The following OTOGL variants were observed in gnomAD, a reference collection of about 807,000 sequenced individuals.
The protein encoded by OTOGL is otogelin-like protein.
In OTOGL, 285 loss-of-function variants were observed where a neutral mutation model predicts 318.5. That is an observed-to-expected ratio of 0.89 (90% CI 0.81 to 0.99). The LOEUF is 0.99. OTOGL is among the 50% of genes least tolerant of loss of function. OTOGL has a pLI of 0.00. For synonymous variants in OTOGL, 987 were observed against 936.5 expected (o/e 1.05, Z -0.99); for missense variants, 2,899 against 2,845.6 (o/e 1.02, Z -0.43).
At chr12:80,223,033 AC>A (rs368215916) in intron 7 of OTOGL, among the ~76,000 whole-genome samples, 1 of 151,046 alleles carries the variant, frequency 6.6e-6, no homozygotes, top group African/African-American at 2.4e-5. Flanking sequence ...ACCCCTCATC[AC>A]CCCCCAGCCT....
chr12:80,337,230 C>A (rs981550581), intron 42 of OTOGL, among the ~76,000 whole-genome samples: 1 of 151,792 alleles, frequency 6.6e-6, no homozygotes, highest in African/African-American at 2.4e-5. Context: ...CTGCAGGGAC[C>A]ATGTTAAATA....
intron 1 of OTOGL, among the ~76,000 whole-genome samples, chr12:80,130,501 T>C (rs900153482): frequency 2.0e-5 from 3 of 152,156 alleles, no homozygotes; most frequent in African/African-American, 7.2e-5. Flanking sequence ...AGCAGGCCAG[T>C]GTGAGAACAG....
At chr12:80,222,346 A>T (rs1226265402) in intron 7 of OTOGL, 101 bp downstream of exon 7, 6 of 1,163,700 alleles carry the variant, frequency 5.2e-6, no homozygotes, top group Non-Finnish European at 7.0e-6. Flanking sequence ...TACTAATAAT[A>T]GAATGAATAC....
At chr12:80,329,290 G>A (rs778668514) in intron 37 of OTOGL, among the ~76,000 whole-genome samples, 171 bp downstream of exon 37, 1 of 152,180 alleles carries the variant, frequency 6.6e-6, no homozygotes, top group African/African-American at 2.4e-5. Flanking sequence ...AACATGCCAT[G>A]TTTTCTAGAA....
chr12:80,325,153 C>T (rs1887596834), intron 35 of OTOGL, among the ~76,000 whole-genome samples: 1 of 152,056 alleles, frequency 6.6e-6, no homozygotes, highest in Admixed American at 6.6e-5. Context: ...TATTCTATGG[C>T]AAATGTTGCC....
chr12:80,284,707 G>A lies in OTOGL; in HGVS notation c.2928+5541G>A, dbSNP rs549661248. On this transcript the variant is annotated intron_variant, in intron 26 of 58. Transcript: ENST00000547103. The stretch of plus-strand genomic sequence containing the variant: ...GAGAAGTGTCTGTTCATATCCTTTG[G>A]CCACTTTTTGATGGGGTTGTTTGTC... Among the ~76,000 whole-genome samples the A allele has an allele frequency of 3.8e-3, 578 of 151,890 alleles. 2 individuals are homozygous for A. The highest frequency in any genetic ancestry group is 6.1e-3 in the Non-Finnish European group (414 of 67,840).
At chr12:80,174,987 A>AG (rs1333458628) in intron 1 of OTOGL, among the ~76,000 whole-genome samples, 2 of 152,136 alleles carry the variant, frequency 1.3e-5, no homozygotes, top group African/African-American at 4.8e-5. Flanking sequence ...AATAAAAAAA[A>AG]ACTTAATGAG....
intron 45 of OTOGL, among the ~76,000 whole-genome samples, chr12:80,352,699 A>C (rs556316836): frequency 5.3e-5 from 8 of 152,126 alleles, no homozygotes; most frequent in Non-Finnish European, 1.0e-4. Context: ...TTGCTGATTC[A>C]TCGGGAATGT....
At chr12:80,217,152 C>T (rs1446838315) in intron 4 of OTOGL, among the ~76,000 whole-genome samples, 2 of 151,628 alleles carry the variant, frequency 1.3e-5, no homozygotes, top group African/African-American at 4.8e-5. Context: ...TTTTTTTTTC[C>T]AAACCTATCT....
Position 80,135,940 on chromosome 12 carries a change from G to C in OTOGL, c.-20+36335G>C, listed in dbSNP as rs554405783. ...GACATTAGTTCTTCCTGATTCTATA[G>C]CAGACTGCTGGTCTTTGGACTCAAA... On this transcript the variant is annotated intron_variant, in intron 1 of 58. Coordinates refer to ENST00000547103, the MANE Select transcript of OTOGL (RefSeq NM_001378609.3). 2.0e-5 allele frequency among the ~76,000 whole-genome samples: 3 copies of C among 152,284 alleles called. No individual in the cohort carries two copies. The East Asian group carries it at 5.8e-4, about 29-fold the overall frequency.
At chr12:80,202,058 A>C (rs1876493947) in intron 1 of OTOGL, among the ~76,000 whole-genome samples, 1 of 152,090 alleles carries the variant, frequency 6.6e-6, no homozygotes, top group Non-Finnish European at 1.5e-5. Flanking sequence ...TCCCTGTGTC[A>C]TTGAAGTTTC....
chr12:80,202,325 C>A (rs1401375739), intron 1 of OTOGL, among the ~76,000 whole-genome samples: 1 of 147,210 alleles, frequency 6.8e-6, no homozygotes, highest in Non-Finnish European at 1.5e-5. Flanking sequence ...GGCTGGAGTG[C>A]AATGGTGTGA....
At chr12:80,338,676 A>C in intron 42 of OTOGL, among the ~76,000 whole-genome samples, 1 of 152,144 alleles carries the variant, frequency 6.6e-6, no homozygotes, top group East Asian at 1.9e-4. Flanking sequence ...GCAGTTAAGC[A>C]AACAATGATT....
At chr12:80,232,769 C>A in intron 8 of OTOGL, 123 bp from the exon 9 acceptor site, 1 of 898,144 alleles carries the variant, frequency 1.1e-6, no homozygotes, top group Non-Finnish European at 1.7e-6. Context: ...TCTTGCTGCA[C>A]AGCTTATTCA....
chr12:80,296,857 G>A lies in OTOGL; in HGVS notation c.2959G>A (p.Ala987Thr), dbSNP rs967872424. The change falls in exon 27 of 59, where the codon GCC (alanine) becomes ACC (threonine). Residue 987 changes from alanine to threonine, a missense_variant. This residue lies in a region of OTOGL where 2,607 missense variants were observed against 2,524.9 expected (regional missense o/e 1.03). Transcript: ENST00000547103. ...SADDSDISVI[A>T]QNKKCFDNDI... is the part of the protein sequence containing the mutation. ...AGATGATTCAGATATATCTGTCATT[G>A]CCCAGAACAAGAAATGCTTTGACAA... The A allele has an allele frequency of 3.9e-6, 6 of 1,524,362 alleles. No individual in the cohort carries two copies. Among genetic ancestry groups the A allele is most frequent in the Non-Finnish European group, 5.3e-6 (6 of 1,136,410 alleles). The allele number at this position is 1,524,362 out of a possible 1,614,324, so 94.4% of individuals were successfully genotyped here. A position where few individuals can be genotyped will look rare whatever the true frequency, so the allele number is the denominator to read the frequency against.
chr12:80,100,573 A>G (rs896283992), intron 1 of OTOGL, among the ~76,000 whole-genome samples: 1 of 152,148 alleles, frequency 6.6e-6, no homozygotes, highest in Non-Finnish European at 1.5e-5. Context: ...TATAAAACAC[A>G]TTGTTTTTCA....
At chr12:80,344,078 G>A (rs1354964080) in intron 44 of OTOGL, among the ~76,000 whole-genome samples, 1 of 152,154 alleles carries the variant, frequency 6.6e-6, no homozygotes, top group Non-Finnish European at 1.5e-5. Flanking sequence ...GGATAAAAAT[G>A]ACATATCTTT....
intron 11 of OTOGL, among the ~76,000 whole-genome samples, chr12:80,249,507 A>C (rs983064667): frequency 1.3e-5 from 2 of 151,570 alleles, no homozygotes; most frequent in Admixed American, 1.3e-4. Flanking sequence ...CCACTTGAGG[A>C]GGCAGTCTGC....
At chr12:80,222,354 T>G in intron 7 of OTOGL, 109 bp downstream of exon 7, 8 of 1,095,730 alleles carry the variant, frequency 7.3e-6, no homozygotes, top group Non-Finnish European at 1.0e-5. Flanking sequence ...ATAGAATGAA[T>G]ACTTATTTTG....
Sources: allele counts gnomAD v4.1 joint callset (sites outside exome capture counted in the v4.1 genomes callset), GRCh38; gene constraint gnomAD v4.1.1; regional missense constraint gnomAD v4.1.1; transcripts MANE v1.5; gene names NCBI Gene and HGNC (gene_info 2026-07-23, HGNC 2026-07-21).